The following PRKG2 variants were observed in gnomAD, a reference collection of about 807,000 sequenced individuals.
The protein encoded by PRKG2 is protein kinase cGMP-dependent 2.
In PRKG2, 33 loss-of-function variants were observed where a neutral mutation model predicts 97.2. The observed-to-expected ratio is 0.34, with a 90% CI of 0.26 to 0.45. PRKG2 has a LOEUF of 0.45. PRKG2 is among the 20% of genes least tolerant of loss of function. PRKG2 has a pLI of 1.00. For missense variants in PRKG2, 638 were observed against 900.0 expected, an observed-to-expected ratio of 0.71 and a Z score of 3.73; for synonymous variants, 330 against 321.8, an observed-to-expected ratio of 1.03 and a Z score of -0.27.
intron 14 of PRKG2, among the ~76,000 whole-genome samples, chr4:81,131,037 A>C (rs1224171396): frequency 6.6e-6 from 1 of 152,192 alleles, no homozygotes; most frequent in Non-Finnish European, 1.5e-5. Context: ...GGTATGAGAA[A>C]AAAACTTCTG....
chr4:81,107,757 C>T (rs1235562874), intron 15 of PRKG2, among the ~76,000 whole-genome samples: 7 of 151,998 alleles, frequency 4.6e-5, no homozygotes, highest in Admixed American at 1.3e-4. Flanking sequence ...GTGATCCGCC[C>T]GCCTCAGCCT....
At chr4:81,153,434 C>T in intron 7 of PRKG2, 1 of 468,006 alleles carries the variant, frequency 2.1e-6, no homozygotes. Flanking sequence ...ACCTACATAA[C>T]ATCACTAAGA....
At chr4:81,190,663 G>A (rs1176184057) in intron 2 of PRKG2, among the ~76,000 whole-genome samples, 1 of 151,938 alleles carries the variant, frequency 6.6e-6, no homozygotes, top group Non-Finnish European at 1.5e-5. Flanking sequence ...CTACAGAATG[G>A]GAGAAAAAGT....
chr4:81,157,446 C>T (rs1749204380), intron 6 of PRKG2, among the ~76,000 whole-genome samples: 2 of 152,072 alleles, frequency 1.3e-5, no homozygotes, highest in Non-Finnish European at 2.9e-5. Context: ...CAACAGCTTA[C>T]CAACAAAAAA....
intron 1 of PRKG2, among the ~76,000 whole-genome samples, chr4:81,205,392 C>G (rs1753593043): frequency 1.3e-5 from 2 of 152,114 alleles, no homozygotes; most frequent in African/African-American, 2.4e-5. Context: ...AGCATCACAT[C>G]AAAACTGTGA....
At chr4:81,153,936 G>T (rs367669558) in intron 6 of PRKG2, among the ~76,000 whole-genome samples, 3 of 152,140 alleles carry the variant, frequency 2.0e-5, no homozygotes, top group Non-Finnish European at 4.4e-5. Context: ...GAAGCAGGGC[G>T]AGGCATTGCC....
chr4:81,153,931 A>T (rs556596254), intron 6 of PRKG2, among the ~76,000 whole-genome samples: 29 of 152,288 alleles, frequency 1.9e-4, no homozygotes, highest in African/African-American at 6.5e-4. Context: ...GAGCCGAAGC[A>T]GGGCGAGGCA....
At chr4:81,151,767 T>C (rs1313858089) in intron 8 of PRKG2, among the ~76,000 whole-genome samples, 193 bp downstream of exon 8, 1 of 152,130 alleles carries the variant, frequency 6.6e-6, no homozygotes, top group Non-Finnish European at 1.5e-5. Context: ...ACTTAAGATT[T>C]TCCAATTATT....
At chr4:81,162,824 C>T (rs1214864397) in intron 6 of PRKG2, among the ~76,000 whole-genome samples, 5 of 152,230 alleles carry the variant, frequency 3.3e-5, no homozygotes, top group East Asian at 1.9e-4. Flanking sequence ...GGATTGTGTT[C>T]GAAGTTCCTA....
intron 14 of PRKG2, among the ~76,000 whole-genome samples, chr4:81,118,204 T>C (rs913228140): frequency 6.6e-6 from 1 of 152,238 alleles, no homozygotes; most frequent in Non-Finnish European, 1.5e-5. Context: ...AAATACTCCA[T>C]TGTCTGGATT....
At chr4:81,093,997 C>G (rs369943485) in intron 17 of PRKG2, among the ~76,000 whole-genome samples, 1 of 152,144 alleles carries the variant, frequency 6.6e-6, no homozygotes, top group African/African-American at 2.4e-5. Flanking sequence ...AAAAATGGCC[C>G]TGATAGACTT....
chr4:81,205,605 T>A (rs1276213432), intron 1 of PRKG2, among the ~76,000 whole-genome samples: 1 of 152,190 alleles, frequency 6.6e-6, no homozygotes, highest in Admixed American at 6.5e-5. Context: ...GCTGTATGTA[T>A]CTATTAAGTT....
intron 2 of PRKG2, among the ~76,000 whole-genome samples, chr4:81,189,530 G>A (rs926854576): frequency 1.3e-5 from 2 of 149,182 alleles, no homozygotes; most frequent in East Asian, 2.0e-4. Flanking sequence ...CAAACACCGC[G>A]TATTCTCACT....
Position 81,148,946 on chromosome 4 carries a change from A to G in PRKG2, c.1092T>C (p.Asp364=). ...CAGCAATAATGTTAGCTGACCTGAC[A>G]TCATCACTGCAAACAAAAATAGGAA... The part of the protein sequence containing the change: ...YFGEKALISD[D]VRSANIIAEE... Residue 364 remains aspartate (D), a synonymous_variant, in exon 9 of 19, where the codon GAT becomes GAC. Coordinates refer to ENST00000264399, the MANE Select transcript of PRKG2 (RefSeq NM_006259.3). 2 of 1,613,722 alleles carry G rather than the reference A, an allele frequency of 1.2e-6. No individual in the cohort carries two copies. Among genetic ancestry groups the G allele is most frequent in the Non-Finnish European group, 1.7e-6 (2 of 1,179,646 alleles).
At chr4:81,161,918 A>C (rs1162927823) in intron 6 of PRKG2, among the ~76,000 whole-genome samples, 2 of 145,310 alleles carry the variant, frequency 1.4e-5, no homozygotes, top group Admixed American at 1.4e-4. Flanking sequence ...AGGGATTAGA[A>C]TCTGGATATC....
At chr4:81,163,629 T>A (rs1163542896) in intron 6 of PRKG2, among the ~76,000 whole-genome samples, 1 of 152,096 alleles carries the variant, frequency 6.6e-6, no homozygotes, top group Non-Finnish European at 1.5e-5. Flanking sequence ...AAATGTTCAT[T>A]CTGTGATAAT....
Position 81,135,184 on chromosome 4 carries a change from T to G in PRKG2, c.1747A>C (p.Ile583Leu). The change falls in exon 14 of 19, where the codon ATT becomes CTT. Residue 583 changes from isoleucine (I) to leucine (L), a missense_variant. Ile to Leu is a conservative substitution (Grantham distance 5). Coordinates refer to ENST00000264399, the MANE Select transcript of PRKG2 (RefSeq NM_006259.3). ...IYRDLKPENL[I>L]LDAEGYLKLV... ...TTAAGGTAACCCTCAGCATCTAGAA[T>G]TAAGTTTTCTGGTTTCAAGTCTCTG... The G allele has an allele frequency of 1.9e-6, 3 of 1,610,448 alleles. No individual in the cohort carries two copies. The highest frequency in any genetic ancestry group is 2.5e-6 in the Non-Finnish European group (3 of 1,177,964).
In PRKG2 at chr4:81,167,244, C is replaced by T. The variant is rs766217042; in HGVS notation, c.849-20G>A. 6.9e-7 allele frequency: 1 copy of T among 1,439,788 alleles called. No individual in the cohort carries two copies. Among genetic ancestry groups the T allele is most frequent in the Middle Eastern group, 1.8e-4 (1 of 5,562 alleles). 89.2% of individuals were successfully genotyped at this position (1,439,788 alleles called of 1,614,324 possible). ...GATACACTTCAAAATTAAAAAGAAA[C>T]CTTCAATTACCTTCCTGAATTAAAC... On this transcript the variant is annotated intron_variant, in intron 5 of 18. Transcript: ENST00000264399.
intron 4 of PRKG2, 124 bp from the exon 5 acceptor site, chr4:81,169,892 T>A: frequency 8.6e-6 from 5 of 582,806 alleles, no homozygotes; most frequent in Non-Finnish European, 1.1e-5. Context: ...ATGTATTATT[T>A]AAACATACAA....
Sources: gnomAD v4.1 joint callset for allele counts (sites outside exome capture counted in the v4.1 genomes callset) on GRCh38, gnomAD v4.1.1 for gene constraint, MANE v1.5 for transcripts, NCBI Gene and HGNC (gene_info 2026-07-23, HGNC 2026-07-21) for gene names.